The following KCNC2 variants were observed in gnomAD, a reference collection of about 807,000 sequenced individuals.
KCNC2 encodes the protein potassium voltage-gated channel subfamily C member 2, also known as voltage-gated potassium channel KCNC2.
Under a neutral mutation model 44.5 loss-of-function variants are expected in KCNC2, and 21 were observed. That is an observed-to-expected ratio of 0.47 (90% CI 0.33 to 0.68). The LOEUF (loss-of-function observed/expected upper bound fraction) is 0.68, where lower values mean the gene tolerates loss of function less well. KCNC2 is among the 30% of genes least tolerant of loss of function. The pLI is 0.01. For missense variants in KCNC2, 589 were observed against 826.2 expected (o/e 0.71, Z 3.52); for synonymous variants, 391 against 339.1 (o/e 1.15, Z -1.68).
intron 2 of KCNC2, among the ~76,000 whole-genome samples, chr12:75,097,609 T>C (rs1177559878): frequency 6.6e-6 from 1 of 152,102 alleles, no homozygotes; most frequent in Admixed American, 6.6e-5. Flanking sequence ...ATTTTTCTAT[T>C]TTCTAAAAGG....
At chr12:75,175,224 C>T (rs1892104509) in intron 2 of KCNC2, among the ~76,000 whole-genome samples, 1 of 151,846 alleles carries the variant, frequency 6.6e-6, no homozygotes, top group Non-Finnish European at 1.5e-5. Flanking sequence ...AGCCTCCAGC[C>T]CAAACTGTGA....
At chr12:75,186,315 C>A (rs1033807631) in intron 2 of KCNC2, among the ~76,000 whole-genome samples, 4 of 151,954 alleles carry the variant, frequency 2.6e-5, no homozygotes, top group African/African-American at 7.2e-5. Flanking sequence ...TCAAAACAAT[C>A]GATTCATGGA....
chr12:75,204,266 AC>A (rs1311653592), intron 2 of KCNC2, among the ~76,000 whole-genome samples: 10 of 152,052 alleles, frequency 6.6e-5, no homozygotes, highest in African/African-American at 2.2e-4. Context: ...ATACGTATTT[AC>A]TTCATAAATT....
chr12:75,085,287 T>A (rs1312031914), intron 2 of KCNC2, among the ~76,000 whole-genome samples: 2 of 152,134 alleles, frequency 1.3e-5, no homozygotes, highest in African/African-American at 4.8e-5. Flanking sequence ...TATCAGAGCA[T>A]CCTTTCTATT....
chr12:75,078,076 T>C (rs1397593669), intron 2 of KCNC2, among the ~76,000 whole-genome samples: 1 of 152,196 alleles, frequency 6.6e-6, no homozygotes, highest in Non-Finnish European at 1.5e-5. Context: ...ACCTCCATTA[T>C]CGTGTGAATA....
intron 2 of KCNC2, among the ~76,000 whole-genome samples, chr12:75,096,128 C>T (rs1007515288): frequency 2.6e-5 from 4 of 151,936 alleles, no homozygotes; most frequent in Non-Finnish European, 5.9e-5. Context: ...CAGACAAATA[C>T]CACAGTTGGC....
intron 2 of KCNC2, among the ~76,000 whole-genome samples, chr12:75,204,091 C>T (rs963924083): frequency 1.7e-4 from 26 of 151,890 alleles, no homozygotes; most frequent in African/African-American, 6.0e-4. Context: ...AATAAACTCT[C>T]ATTTTTTTCC....
At chr12:75,043,408 C>T (rs1253991742) in intron 4 of KCNC2, 167 bp from the exon 5 acceptor site, 3 of 1,380,262 alleles carry the variant, frequency 2.2e-6, no homozygotes, top group Non-Finnish European at 2.8e-6. Context: ...ATGAAGCTCA[C>T]TGTAGTTGCC....
rs888842691 is a variant in KCNC2, at chr12:75,110,005, TA to T, written c.688-58689del. Among the ~76,000 whole-genome samples, 166 of 151,070 alleles carry T rather than the reference TA, an allele frequency of 1.1e-3. 2 individuals are homozygous for T. Among genetic ancestry groups the T allele is most frequent in the African/African-American group, 3.6e-3 (150 of 41,156 alleles). Reference sequence around the variant, plus strand: ...AACACAGAGAAAAAATACAAGAATATAAAAAAATCATGGGAGTAAAGTTAAC... The same window carrying T: ...AACACAGAGAAAAAATACAAGAATATAAAAAATCATGGGAGTAAAGTTAAC... On this transcript the variant is annotated intron_variant, in intron 2 of 4. Transcript: ENST00000549446.
At chr12:75,199,635 A>G (rs2031071151) in intron 2 of KCNC2, among the ~76,000 whole-genome samples, 1 of 151,854 alleles carries the variant, frequency 6.6e-6, no homozygotes, top group Non-Finnish European at 1.5e-5. Context: ...TTACAACAAC[A>G]TTTAACTTTG....
intron 2 of KCNC2, among the ~76,000 whole-genome samples, chr12:75,175,177 C>T (rs756119945): frequency 1.3e-5 from 2 of 151,942 alleles, no homozygotes; most frequent in Non-Finnish European, 2.9e-5. Flanking sequence ...CTCTCAGTCA[C>T]ACTGAACCAG....
chr12:75,137,004 T>A (rs967478777), intron 2 of KCNC2, among the ~76,000 whole-genome samples: 1 of 152,142 alleles, frequency 6.6e-6, no homozygotes, highest in African/African-American at 2.4e-5. Context: ...CTGCTCTATT[T>A]TCCTCTTATT....
chr12:75,096,381 C>A (rs982228380), intron 2 of KCNC2, among the ~76,000 whole-genome samples: 3 of 152,022 alleles, frequency 2.0e-5, no homozygotes, highest in African/African-American at 4.8e-5. Flanking sequence ...CCAGTAGATT[C>A]TCCTTCTTCT....
chr12:75,159,082 C>T (rs537402834), intron 2 of KCNC2, among the ~76,000 whole-genome samples: 1 of 139,000 alleles, frequency 7.2e-6, no homozygotes, highest in Non-Finnish European at 1.5e-5. Flanking sequence ...AACACATGGA[C>T]ACAGGGAGGG....
At chr12:75,064,402 T>C (rs985576905) in intron 2 of KCNC2, among the ~76,000 whole-genome samples, 2 of 152,048 alleles carry the variant, frequency 1.3e-5, no homozygotes, top group African/African-American at 2.4e-5. Flanking sequence ...ATTGTTTTAA[T>C]ACAGTGTTCT....
At chr12:75,151,654 G>T (rs1304723933) in intron 2 of KCNC2, among the ~76,000 whole-genome samples, 1 of 151,494 alleles carries the variant, frequency 6.6e-6, no homozygotes, top group African/African-American at 2.4e-5. Context: ...TTAAAAGAAA[G>T]AAATTATTGG....
At chr12:75,062,028 A>C (rs1414221858) in intron 2 of KCNC2, among the ~76,000 whole-genome samples, 1 of 152,106 alleles carries the variant, frequency 6.6e-6, no homozygotes, top group Non-Finnish European at 1.5e-5. Flanking sequence ...CTTTCTTCCA[A>C]AAATAACAAT....
intron 2 of KCNC2, among the ~76,000 whole-genome samples, chr12:75,080,736 C>G (rs1884422325): frequency 2.0e-5 from 3 of 152,198 alleles, no homozygotes; most frequent in South Asian, 4.1e-4. Context: ...GTGCCAGTCA[C>G]TTAGCACACA....
intron 2 of KCNC2, among the ~76,000 whole-genome samples, chr12:75,201,890 C>A (rs2031310477): frequency 6.6e-6 from 1 of 151,894 alleles, no homozygotes; most frequent in Non-Finnish European, 1.5e-5. Context: ...TTTTCTTCTA[C>A]AGGTCTGTGT....
Sources: allele counts gnomAD v4.1 joint callset (sites outside exome capture counted in the v4.1 genomes callset), GRCh38; gene constraint gnomAD v4.1.1; transcripts MANE v1.5; gene names NCBI Gene and HGNC (gene_info 2026-07-23, HGNC 2026-07-21).